The following CEP112 variants were observed in gnomAD, a reference collection of about 807,000 sequenced individuals.
CEP112 encodes the protein centrosomal protein 112.
In CEP112, 127 loss-of-function variants were observed where a neutral mutation model predicts 153.0. That is an observed-to-expected ratio of 0.83 (90% CI 0.72 to 0.96). The LOEUF (loss-of-function observed/expected upper bound fraction) is 0.96. Ranked by LOEUF, CEP112 falls within the 40% of genes least tolerant of loss-of-function variation. CEP112 has a pLI of 0.00. For synonymous variants in CEP112, 358 were observed against 374.4 expected, an observed-to-expected ratio of 0.96 and a Z score of 0.51; for missense variants, 1,089 against 1,101.2, an observed-to-expected ratio of 0.99 and a Z score of 0.16.
At chr17:66,082,011 A>G (rs1226364566) in intron 8 of CEP112, among the ~76,000 whole-genome samples, 2 of 152,200 alleles carry the variant, frequency 1.3e-5, no homozygotes, top group East Asian at 3.9e-4. Flanking sequence ...GTGAAAAGAA[A>G]GGTCAAAGGA....
intron 18 of CEP112, among the ~76,000 whole-genome samples, chr17:65,928,003 G>A (rs921260979): frequency 1.3e-5 from 2 of 152,164 alleles, no homozygotes; most frequent in African/African-American, 4.8e-5. Flanking sequence ...TGTGCTGAAT[G>A]AGATAAAATA....
Position 65,635,928 on chromosome 17 carries a change from C to A in CEP112, c.*43G>T. 6.3e-7 allele frequency: 1 copy of A among 1,590,032 alleles called. No individual in the cohort carries two copies. Among genetic ancestry groups the A allele is most frequent in the Non-Finnish European group, 8.6e-7 (1 of 1,165,606 alleles). The stretch of plus-strand genomic sequence containing the variant: ...CTTCAAACCTGCTGGAAGAAGTCCA[C>A]AGCACAGCCTGGAAATTGCATCCGT... On this transcript the variant is annotated 3_prime_UTR_variant, in exon 27 of 27. Transcript: ENST00000535342.
chr17:66,004,810 C>A (rs1446887299), intron 17 of CEP112, among the ~76,000 whole-genome samples: 1 of 152,150 alleles, frequency 6.6e-6, no homozygotes, highest in African/African-American at 2.4e-5. Context: ...TTCTTTAAGT[C>A]ATTCTTATTT....
At chr17:65,969,206 C>T (rs1033276176) in intron 17 of CEP112, among the ~76,000 whole-genome samples, 32 of 151,938 alleles carry the variant, frequency 2.1e-4, no homozygotes, top group Non-Finnish European at 3.7e-4. Flanking sequence ...CTCAGCCTCC[C>T]AAGTAGCTGG....
chr17:66,032,585 C>T (rs2065535561), intron 12 of CEP112, among the ~76,000 whole-genome samples: 1 of 152,088 alleles, frequency 6.6e-6, no homozygotes, highest in Non-Finnish European at 1.5e-5. Context: ...TGAATGGATC[C>T]AGTGATCTGT....
chr17:66,132,516 C>T (rs1216834387), intron 5 of CEP112, among the ~76,000 whole-genome samples, 154 bp downstream of exon 5: 1 of 152,120 alleles, frequency 6.6e-6, no homozygotes, highest in Non-Finnish European at 1.5e-5. Flanking sequence ...TACCAAACAC[C>T]CCACCTTCTT....
chr17:65,654,170 C>T (rs917360245), intron 24 of CEP112, among the ~76,000 whole-genome samples: 1 of 151,534 alleles, frequency 6.6e-6, no homozygotes, highest in Non-Finnish European at 1.5e-5. Flanking sequence ...CTAAGAAATT[C>T]CATTCTTATT....
chr17:65,693,786 C>A (rs1482420635), intron 23 of CEP112, among the ~76,000 whole-genome samples: 2 of 152,142 alleles, frequency 1.3e-5, no homozygotes, highest in East Asian at 1.9e-4. Context: ...GAAATCTTAA[C>A]CCCCAAGGTT....
At chr17:65,896,860 A>G (rs2059677644) in intron 20 of CEP112, among the ~76,000 whole-genome samples, 1 of 152,184 alleles carries the variant, frequency 6.6e-6, no homozygotes, top group Non-Finnish European at 1.5e-5. Flanking sequence ...AAGAAAATAG[A>G]GAATTGTAAT....
intron 18 of CEP112, among the ~76,000 whole-genome samples, chr17:65,936,793 T>TCCCCCTCCTC (rs2061320969): frequency 1.8e-5 from 2 of 109,540 alleles, no homozygotes; most frequent in African/African-American, 3.2e-5. Flanking sequence ...TCCGTCTACC[T>TCCCCCTCCTC]CTCCCCCTCC....
At chr17:65,979,608 A>G (rs2063157885) in intron 17 of CEP112, among the ~76,000 whole-genome samples, 2 of 152,054 alleles carry the variant, frequency 1.3e-5, no homozygotes, top group Non-Finnish European at 2.9e-5. Flanking sequence ...TCAATACAAA[A>G]CTGAATACCT....
At chr17:65,920,947 T>G (rs762635620) in intron 19 of CEP112, among the ~76,000 whole-genome samples, 1 of 152,070 alleles carries the variant, frequency 6.6e-6, no homozygotes, top group South Asian at 2.1e-4. Flanking sequence ...AGCTTAAAGC[T>G]GCAGAAAACT....
At chr17:65,925,892 G>A (rs2060903834) in intron 19 of CEP112, among the ~76,000 whole-genome samples, 1 of 152,104 alleles carries the variant, frequency 6.6e-6, no homozygotes, top group African/African-American at 2.4e-5. Flanking sequence ...AATCCTCAAA[G>A]GACACGTGAC....
At chr17:65,977,678 T>A (rs1176984682) in intron 17 of CEP112, among the ~76,000 whole-genome samples, 1 of 152,176 alleles carries the variant, frequency 6.6e-6, no homozygotes, top group African/African-American at 2.4e-5. Flanking sequence ...CAGTGGCTCA[T>A]GCCTATAATC....
intron 24 of CEP112, among the ~76,000 whole-genome samples, chr17:65,660,922 C>T (rs2046359050): frequency 6.6e-6 from 1 of 152,166 alleles, no homozygotes; most frequent in Non-Finnish European, 1.5e-5. Flanking sequence ...ATTCTCCACA[C>T]TGTTGCATGT....
chr17:65,786,305 GT>G (rs142283756), intron 21 of CEP112, among the ~76,000 whole-genome samples: 19 of 147,380 alleles, frequency 1.3e-4, no homozygotes, highest in Admixed American at 2.7e-4. Flanking sequence ...TTTCAAACAG[GT>G]TTTTTTTTTG....
At chr17:65,840,989 A>G (rs1465769842) in intron 21 of CEP112, among the ~76,000 whole-genome samples, 1 of 152,124 alleles carries the variant, frequency 6.6e-6, no homozygotes, top group African/African-American at 2.4e-5. Context: ...TATTATCAAA[A>G]AGACAAAAAA....
intron 21 of CEP112, among the ~76,000 whole-genome samples, chr17:65,802,556 C>T (rs187267507): frequency 2.2e-3 from 342 of 152,248 alleles, no homozygotes; most frequent in African/African-American, 7.4e-3. Flanking sequence ...CTGGGAGGCA[C>T]GCTAGACTAC....
At chr17:65,873,203 T>C (rs979236256) in intron 20 of CEP112, 5 of 152,268 alleles carry the variant, frequency 3.3e-5, no homozygotes, top group African/African-American at 7.2e-5. Flanking sequence ...ACTCTGGTCA[T>C]GGTCCCATCG....
Sources: gnomAD v4.1 joint callset for allele counts (sites outside exome capture counted in the v4.1 genomes callset) on GRCh38, gnomAD v4.1.1 for gene constraint, MANE v1.5 for transcripts, NCBI Gene and HGNC (gene_info 2026-07-23, HGNC 2026-07-21) for gene names.